The following COL21A1 variants were observed in gnomAD, a reference collection of about 807,000 sequenced individuals.
COL21A1 encodes the protein collagen type XXI alpha 1 chain, also known as collagen alpha-1(XXI) chain.
Under a neutral mutation model 137.9 loss-of-function variants are expected in COL21A1, and 149 were observed. That is an observed-to-expected ratio of 1.08 (90% CI 0.95 to 1.24). COL21A1 has a LOEUF of 1.24. COL21A1 is among the 50% of genes most tolerant of loss of function. The pLI is 0.00. For synonymous variants in COL21A1, 456 were observed against 391.5 expected (o/e 1.16, Z -1.95); for missense variants, 1,167 against 1,158.4 (o/e 1.01, Z -0.11).
chr6:56,086,831 G>T (rs756785694), intron 17 of COL21A1, among the ~76,000 whole-genome samples: 10 of 152,096 alleles, frequency 6.6e-5, no homozygotes, highest in African/African-American at 2.4e-4. Flanking sequence ...AAGTGTCCAT[G>T]CCGTAAAAGA....
At chr6:56,082,054 CAAAT>C (rs1406775447) in intron 17 of COL21A1, among the ~76,000 whole-genome samples, 2 of 151,812 alleles carry the variant, frequency 1.3e-5, no homozygotes, top group Non-Finnish European at 2.9e-5. Flanking sequence ...TTTTTATAAA[CAAAT>C]AAAATAGTCT....
At chr6:56,204,708 A>C (rs1420560984) in intron 1 of COL21A1, among the ~76,000 whole-genome samples, 2 of 152,184 alleles carry the variant, frequency 1.3e-5, no homozygotes, top group Non-Finnish European at 2.9e-5. Context: ...GTAGGGGCTG[A>C]CAGACACCTC....
At chr6:56,214,831 A>G (rs6914495) in intron 1 of COL21A1, among the ~76,000 whole-genome samples, 99,427 of 151,952 alleles carry the variant, frequency 0.65, 32,985 homozygotes, top group East Asian at 0.86. Flanking sequence ...GCACTTCATT[A>G]TTAACCCAGG....
chr6:56,300,576 A>G (rs763318270), intron 1 of COL21A1, among the ~76,000 whole-genome samples: 19 of 152,106 alleles, frequency 1.2e-4, no homozygotes, highest in Non-Finnish European at 2.6e-4. Context: ...TTAAGATGTC[A>G]TAGTGGCCTT....
chr6:56,232,199 T>C (rs540417573), intron 1 of COL21A1, among the ~76,000 whole-genome samples: 39 of 151,856 alleles, frequency 2.6e-4, no homozygotes, highest in Non-Finnish European at 4.7e-4. Context: ...AAATTGACAA[T>C]ACTATACTTC....
chr6:56,227,155 T>C (rs1781258741), intron 1 of COL21A1, among the ~76,000 whole-genome samples: 1 of 152,026 alleles, frequency 6.6e-6, no homozygotes, highest in Non-Finnish European at 1.5e-5. Flanking sequence ...ACCACAATTC[T>C]TGGCAGCTGC....
chr6:56,132,520 A>G (rs2152224415), intron 12 of COL21A1, among the ~76,000 whole-genome samples: 1 of 152,368 alleles, frequency 6.6e-6, no homozygotes, highest in East Asian at 1.9e-4. Flanking sequence ...AGGTCAATGA[A>G]ACAGAATGTA....
At chr6:56,313,398 G>A (rs562544015) in intron 1 of COL21A1, among the ~76,000 whole-genome samples, 2 of 152,210 alleles carry the variant, frequency 1.3e-5, no homozygotes, top group South Asian at 4.1e-4. Context: ...TAGGATGCAT[G>A]CCAAAACAGT....
intron 1 of COL21A1, among the ~76,000 whole-genome samples, chr6:56,184,192 C>T (rs1233134961): frequency 6.6e-6 from 1 of 152,032 alleles, no homozygotes; most frequent in Non-Finnish European, 1.5e-5. Flanking sequence ...CTTCAGCAAA[C>T]CCCAAGCGAG....
chr6:56,169,900 G>A (rs572033956), intron 5 of COL21A1, among the ~76,000 whole-genome samples: 1 of 151,920 alleles, frequency 6.6e-6, no homozygotes. Context: ...AATGAAGACA[G>A]CAAATAACAA....
intron 1 of COL21A1, among the ~76,000 whole-genome samples, chr6:56,376,024 G>A (rs553988653): frequency 6.6e-5 from 10 of 152,106 alleles, no homozygotes; most frequent in African/African-American, 1.7e-4. Context: ...GAAGAGCTGC[G>A]GGTAGCTGAC....
chr6:56,390,250 A>G (rs552788509), intron 1 of COL21A1, among the ~76,000 whole-genome samples: 1 of 152,166 alleles, frequency 6.6e-6, no homozygotes, highest in Non-Finnish European at 1.5e-5. Flanking sequence ...TTTTGCAATC[A>G]TCAACATTGT....
chr6:56,110,762 A>G (rs1431184598), intron 16 of COL21A1, among the ~76,000 whole-genome samples: 1 of 152,140 alleles, frequency 6.6e-6, no homozygotes, highest in East Asian at 1.9e-4. Flanking sequence ...TTAGATATGA[A>G]CTTAACAGAA....
intron 1 of COL21A1, among the ~76,000 whole-genome samples, chr6:56,341,690 A>T (rs945811069): frequency 6.6e-6 from 1 of 152,218 alleles, no homozygotes; most frequent in African/African-American, 2.4e-5. Flanking sequence ...AACCCATAGA[A>T]TGTGCAACAC....
intron 1 of COL21A1, among the ~76,000 whole-genome samples, chr6:56,370,217 C>T (rs989040830): frequency 2.6e-5 from 4 of 152,134 alleles, no homozygotes; most frequent in African/African-American, 9.7e-5. Flanking sequence ...CAGCAGTGGC[C>T]GCTTGAGGAC....
chr6:56,092,386 A>T lies in COL21A1; in HGVS notation c.1812+9086T>A, dbSNP rs570822646. Among the ~76,000 whole-genome samples, 8 of 152,158 alleles carry T rather than the reference A, an allele frequency of 5.3e-5. No individual in the cohort carries two copies. In the East Asian group the frequency reaches 9.6e-4, roughly 18 times the overall value. On this transcript the variant is annotated intron_variant, in intron 17 of 29. Transcript: ENST00000244728. The stretch of plus-strand genomic sequence containing the variant: ...CGCATACATATTTATATATTGTTTA[A>T]CTATTATATATAGCACATTAAGTAT...
At position 56,156,263 on chromosome 6, in the gene COL21A1, A is replaced by G. The variant is rs116222564; in HGVS notation, c.1434+624T>C. On this transcript the variant is annotated intron_variant, in intron 10 of 29. Transcript: ENST00000244728. ...GTAAGATAACTAAAAGCTGACTAGA[A>G]CACTAACTCTCTTCCCAAGCTGGCC... Among the ~76,000 whole-genome samples the G allele has an allele frequency of 5.7e-3, 871 of 152,276 alleles. 9 individuals carry two copies. Among genetic ancestry groups the G allele is most frequent in the African/African-American group, 0.019 (804 of 41,544 alleles).
At chr6:56,165,907 TACAC>T (rs61397350) in intron 7 of COL21A1, among the ~76,000 whole-genome samples, 1,697 of 105,762 alleles carry the variant, frequency 0.016, 19 homozygotes, top group African/African-American at 0.037. Flanking sequence ...GGGGATTGAT[TACAC>T]ACACACACAC....
intron 3 of COL21A1, among the ~76,000 whole-genome samples, chr6:56,171,995 G>A (rs891945057): frequency 6.7e-6 from 1 of 149,920 alleles, no homozygotes; most frequent in African/African-American, 2.5e-5. Flanking sequence ...AAAAGGAAGA[G>A]AAAGAGTGAA....
Sources: allele counts gnomAD v4.1 joint callset (sites outside exome capture counted in the v4.1 genomes callset), GRCh38; gene constraint gnomAD v4.1.1; transcripts MANE v1.5; gene names NCBI Gene and HGNC (gene_info 2026-07-23, HGNC 2026-07-21).